Variants in TMC1 observed in about 807,000 individuals in gnomAD.
TMC1 encodes transmembrane channel-like protein 1.
A neutral mutation model predicts 105.8 loss-of-function variants in TMC1; 84 were observed. The ratio of observed to expected loss-of-function variants is 0.79; its 90% CI spans 0.67 to 0.95. TMC1 has a LOEUF of 0.95. Among genes scored for constraint, TMC1 ranks in the 40% least tolerant of loss-of-function variants. The probability of loss-of-function intolerance (pLI) is 0.00; values close to 1 mark genes in which losing one functional copy is unlikely to be tolerated. For missense variants in TMC1, 817 were observed against 914.1 expected, an observed-to-expected ratio of 0.89 and a Z score of 1.37; for synonymous variants, 315 against 311.5, an observed-to-expected ratio of 1.01 and a Z score of -0.12.
intron 1 of TMC1, among the ~76,000 whole-genome samples, chr9:72,558,532 C>A (rs1031764171): frequency 6.6e-6 from 1 of 152,140 alleles, no homozygotes; most frequent in African/African-American, 2.4e-5. Context: ...AGGGGTAGAT[C>A]TGGACTTCAG....
In TMC1 at chr9:72,618,593, G is replaced by A. The variant is rs978762854; in HGVS notation, c.-196+2116G>A. Among the ~76,000 whole-genome samples, 5 of 152,124 alleles carry A rather than the reference G, an allele frequency of 3.3e-5. No homozygotes were observed. In the East Asian group the frequency reaches 9.7e-4, roughly 29 times the overall value. ...TAAAAATAAGCAAGATATAAATAAA[G>A]TTAAAATGAACTGCAACAATCCTGA... On this transcript the variant is annotated intron_variant, in intron 3 of 23. Transcript: ENST00000297784.
intron 17 of TMC1, among the ~76,000 whole-genome samples, chr9:72,794,139 A>G (rs1249570265): frequency 6.6e-6 from 1 of 151,768 alleles, no homozygotes; most frequent in Non-Finnish European, 1.5e-5. Context: ...AACATAGAAC[A>G]TCCATCCTGG....
intron 1 of TMC1, among the ~76,000 whole-genome samples, chr9:72,537,507 A>C (rs1242158351): frequency 1.3e-5 from 2 of 152,122 alleles, no homozygotes; most frequent in African/African-American, 2.4e-5. Flanking sequence ...TTACAATCAT[A>C]TTTACAATTA....
Position 72,772,569 on chromosome 9 carries a change from G to A in TMC1, c.884+14G>A, listed in dbSNP as rs1827947735. On this transcript the variant is annotated intron_variant, in intron 13 of 23. Transcript: ENST00000297784. ...TGTCCTCAAAGCGTAAGTTTCATTT[G>A]TCTTTTGGGAAGCAAATAATGATTT... The A allele has an allele frequency of 1.9e-6, 3 of 1,613,720 alleles. No homozygotes were observed. The highest frequency in any genetic ancestry group is 1.7e-6 in the Non-Finnish European group (2 of 1,179,676).
chr9:72,570,671 A>AT (rs1824262429), intron 1 of TMC1, among the ~76,000 whole-genome samples: 1 of 127,186 alleles, frequency 7.9e-6, no homozygotes, highest in South Asian at 2.5e-4. Context: ...ACTTTGCCAA[A>AT]TTTCCTTTTT....
intron 10 of TMC1, among the ~76,000 whole-genome samples, chr9:72,744,334 A>G (rs1336312548): frequency 6.6e-6 from 1 of 152,216 alleles, no homozygotes; most frequent in Non-Finnish European, 1.5e-5. Context: ...TCACTCCTGC[A>G]TTCCACTTGG....
At chr9:72,643,402 T>G (rs1217858171) in intron 4 of TMC1, among the ~76,000 whole-genome samples, 2 of 152,168 alleles carry the variant, frequency 1.3e-5, no homozygotes, top group Non-Finnish European at 2.9e-5. Flanking sequence ...AAGTTTGCCA[T>G]ATGTATACAC....
At chr9:72,544,938 C>A (rs978262021) in intron 1 of TMC1, among the ~76,000 whole-genome samples, 2 of 151,900 alleles carry the variant, frequency 1.3e-5, no homozygotes, top group African/African-American at 2.4e-5. Context: ...TCCTTCACCC[C>A]CCCAAGTCTT....
rs901476203 is a variant in TMC1, at chr9:72,685,068, A to G, written c.17-3641A>G. Among the ~76,000 whole-genome samples, 5 of 150,442 alleles carry G rather than the reference A, an allele frequency of 3.3e-5. 2 individuals carry two copies. In the Middle Eastern group the frequency reaches 0.017, roughly 522 times the overall value. On this transcript the variant is annotated intron_variant, in intron 5 of 23. Coordinates refer to ENST00000297784, the MANE Select transcript of TMC1 (RefSeq NM_138691.3). ...GGTAGGCTGGAGAAGAAACCCATAC[A>G]TAATCTCAAACCTTACTGTTATAAA...
chr9:72,568,418 C>G (rs1564415885), intron 1 of TMC1, among the ~76,000 whole-genome samples: 1 of 152,096 alleles, frequency 6.6e-6, no homozygotes. Context: ...ATAATCAGAA[C>G]ACAATAAAGC....
intron 17 of TMC1, among the ~76,000 whole-genome samples, chr9:72,793,814 C>T (rs989367003): frequency 3.3e-5 from 5 of 152,172 alleles, no homozygotes; most frequent in African/African-American, 7.2e-5. Flanking sequence ...ATCCCCATAT[C>T]GGCTCACCAG....
chr9:72,699,587 G>A (rs2117862587), intron 7 of TMC1, among the ~76,000 whole-genome samples: 1 of 152,194 alleles, frequency 6.6e-6, no homozygotes. Context: ...AAGAAGAGAG[G>A]GAAATATCTT....
intron 4 of TMC1, among the ~76,000 whole-genome samples, chr9:72,634,490 TTACA>T (rs1377144478): frequency 1.3e-5 from 2 of 152,212 alleles, no homozygotes; most frequent in Non-Finnish European, 2.9e-5. Flanking sequence ...TTCATTAGTC[TTACA>T]AAGGCAGTTT....
chr9:72,772,728 C>G (rs1171825516), intron 13 of TMC1, among the ~76,000 whole-genome samples, 173 bp downstream of exon 13: 1 of 152,168 alleles, frequency 6.6e-6, no homozygotes, highest in Non-Finnish European at 1.5e-5. Flanking sequence ...ATTACATCTT[C>G]AAAAGAACTG....
At chr9:72,704,445 C>G (rs1317548947) in intron 8 of TMC1, among the ~76,000 whole-genome samples, 1 of 152,114 alleles carries the variant, frequency 6.6e-6, no homozygotes, top group Non-Finnish European at 1.5e-5. Flanking sequence ...GAGATAGTTC[C>G]CACATTTTTA....
At chr9:72,523,756 A>G (rs893890143) in intron 1 of TMC1, among the ~76,000 whole-genome samples, 7 of 152,098 alleles carry the variant, frequency 4.6e-5, no homozygotes, top group Admixed American at 1.3e-4. Flanking sequence ...AGAAATCTTC[A>G]TATGAGTGGA....
intron 18 of TMC1, among the ~76,000 whole-genome samples, chr9:72,813,062 G>A (rs7023953): frequency 0.067 from 10,206 of 152,146 alleles, 396 homozygotes; most frequent in African/African-American, 0.1. Flanking sequence ...GCCCCCAACA[G>A]TCTTACCAGG....
chr9:72,705,741 A>G (rs1320339650), intron 8 of TMC1, among the ~76,000 whole-genome samples: 4 of 152,258 alleles, frequency 2.6e-5, no homozygotes, highest in Non-Finnish European at 2.9e-5. Context: ...GAAACACTCC[A>G]AGTATACTTT....
At chr9:72,791,139 A>G (rs1034131374) in intron 15 of TMC1, among the ~76,000 whole-genome samples, 1 of 152,144 alleles carries the variant, frequency 6.6e-6, no homozygotes, top group Non-Finnish European at 1.5e-5. Flanking sequence ...CCAAACATCC[A>G]GGAAATAAAA....
Sources: gnomAD v4.1 joint callset for allele counts (sites outside exome capture counted in the v4.1 genomes callset) on GRCh38, gnomAD v4.1.1 for gene constraint, MANE v1.5 for transcripts, NCBI Gene and HGNC (gene_info 2026-07-23, HGNC 2026-07-21) for gene names.